Variants in RBM19 observed in about 807,000 individuals in gnomAD.
The protein encoded by RBM19 is probable RNA-binding protein 19.
RBM19 carries 94 observed loss-of-function variants against 116.8 expected under a neutral mutation model. The ratio of observed to expected loss-of-function variants is 0.80; its 90% confidence interval spans 0.68 to 0.95. RBM19 has a LOEUF of 0.95. Ranked by LOEUF, RBM19 falls within the 40% of genes least tolerant of loss-of-function variation. The pLI, the probability that RBM19 is intolerant of heterozygous loss-of-function variation, is 0.00. For synonymous variants in RBM19, 475 were observed against 494.1 expected, an observed-to-expected ratio of 0.96 and a Z score of 0.51; for missense variants, 1,161 against 1,220.7, an observed-to-expected ratio of 0.95 and a Z score of 0.73.
intron 16 of RBM19, among the ~76,000 whole-genome samples, chr12:113,930,859 G>A (rs988080908): frequency 4.6e-5 from 7 of 152,164 alleles, no homozygotes; most frequent in Non-Finnish European, 8.8e-5. Flanking sequence ...TGGAAAAGAC[G>A]AGGAGGGCAG....
chr12:113,820,331 GC>G (rs1250026768), downstream of RBM19, among the ~76,000 whole-genome samples: 1 of 151,844 alleles, frequency 6.6e-6, no homozygotes, highest in East Asian at 1.9e-4. Flanking sequence ...GGTTGGACAA[GC>G]GTGATTTAAG....
At chr12:113,842,869 C>A (rs1876621728) in intron 23 of RBM19, among the ~76,000 whole-genome samples, 1 of 151,798 alleles carries the variant, frequency 6.6e-6, no homozygotes, top group African/African-American at 2.4e-5. Flanking sequence ...TGTGCAAAGG[C>A]ACAGAATCCT....
At chr12:113,870,976 G>C (rs1459521339) in intron 21 of RBM19, among the ~76,000 whole-genome samples, 1 of 152,218 alleles carries the variant, frequency 6.6e-6, no homozygotes, top group Non-Finnish European at 1.5e-5. Flanking sequence ...GGCAGCAGGA[G>C]GCCCCTGCAT....
At chr12:113,890,735 G>A (rs1347227687) in intron 21 of RBM19, among the ~76,000 whole-genome samples, 2 of 152,242 alleles carry the variant, frequency 1.3e-5, no homozygotes, top group Non-Finnish European at 2.9e-5. Context: ...ACAGTTCCGA[G>A]ATCCTTCTCC....
chr12:113,914,020 T>C (rs187398661), intron 21 of RBM19, among the ~76,000 whole-genome samples: 1 of 152,350 alleles, frequency 6.6e-6, no homozygotes, highest in East Asian at 1.9e-4. Context: ...GTTTCTTTCA[T>C]TCATGGCTTG....
intron 1 of RBM19, 78 bp downstream of exon 1, chr12:113,966,114 C>T: frequency 1.3e-6 from 2 of 1,586,504 alleles, no homozygotes; most frequent in South Asian, 2.2e-5. Flanking sequence ...TCTTCGATCA[C>T]CTCCAGGCAT....
intron 22 of RBM19, among the ~76,000 whole-genome samples, chr12:113,849,750 G>A (rs1877303525): frequency 6.6e-6 from 1 of 152,184 alleles, no homozygotes; most frequent in African/African-American, 2.4e-5. Context: ...GAACGTCACA[G>A]AAGAGAAGCC....
chr12:113,964,684 A>G (rs1425251000), intron 1 of RBM19, among the ~76,000 whole-genome samples: 1 of 152,170 alleles, frequency 6.6e-6, no homozygotes, highest in African/African-American at 2.4e-5. Flanking sequence ...GATGATCTAA[A>G]TTCCTTATTT....
At position 113,960,152 on chromosome 12, in the gene RBM19, G is replaced by A. The variant is rs754794451; in HGVS notation, c.246C>T (p.Asp82=). Residue 82 remains aspartate (D), a synonymous_variant, in exon 3 of 24, where the codon GAC becomes GAT. Coordinates refer to ENST00000261741, the MANE Select transcript of RBM19 (RefSeq NM_016196.4). ...TGCTCCAGGCTCTGGGTTTGGCCGGGTCCCCGAATGACTTGCAGAACTCCA... is the reference window on the plus strand; with the variant it reads ...TGCTCCAGGCTCTGGGTTTGGCCGGATCCCCGAATGACTTGCAGAACTCCA... The part of the protein sequence containing the change: ...ITVEFCKSFG[D]PAKPRAWSKH... 5 of 1,613,954 alleles carry A rather than the reference G, an allele frequency of 3.1e-6. No homozygotes were observed. Among genetic ancestry groups the A allele is most frequent in the Non-Finnish European group, 4.2e-6 (5 of 1,180,034 alleles).
rs1414051614 is a variant in RBM19, at chr12:113,946,236, C to T, written c.1529+118G>A. 2.0e-5 allele frequency: 27 copies of T among 1,372,580 alleles called. No homozygotes were observed. In the Middle Eastern group the frequency reaches 7.0e-4, roughly 36 times the overall value. 85.0% of individuals were successfully genotyped at this position (1,372,580 alleles called of 1,614,324 possible). On this transcript the variant is annotated intron_variant, in intron 12 of 23. Coordinates refer to ENST00000261741, the MANE Select transcript of RBM19 (RefSeq NM_016196.4). Reference sequence around the variant, plus strand: ...TTTTACAGATGAGAAAACTGAAGCTCGGTAAGGTATGAACTAAACCCATCA... The same window carrying T: ...TTTTACAGATGAGAAAACTGAAGCTTGGTAAGGTATGAACTAAACCCATCA...
intron 22 of RBM19, among the ~76,000 whole-genome samples, chr12:113,845,524 C>T (rs1361050780): frequency 2.0e-5 from 3 of 152,160 alleles, no homozygotes; most frequent in African/African-American, 4.8e-5. Context: ...TTAGTATAAT[C>T]GCAGAGCTGT....
At chr12:113,940,940 T>C (rs1199116931) in intron 14 of RBM19, among the ~76,000 whole-genome samples, 1 of 152,172 alleles carries the variant, frequency 6.6e-6, no homozygotes, top group Admixed American at 6.5e-5. Context: ...ATTAAATGGG[T>C]TAGTAAAAGT....
At position 113,917,816 on chromosome 12, in the gene RBM19, A is replaced by C. The variant is rs146482205; in HGVS notation, c.2441+576T>G. On this transcript the variant is annotated intron_variant, in intron 20 of 23. Coordinates refer to ENST00000261741, the MANE Select transcript of RBM19 (RefSeq NM_016196.4). Reference sequence around the variant, plus strand: ...ACGTCGGGTGTAATAGTTCATTTAGATATACAAGCAGGTAGAAATGGAGGT... The same window carrying C: ...ACGTCGGGTGTAATAGTTCATTTAGCTATACAAGCAGGTAGAAATGGAGGT... 2.0e-5 allele frequency among the ~76,000 whole-genome samples: 3 copies of C among 151,562 alleles called. No individual in the cohort carries two copies. The East Asian group carries it at 5.8e-4, about 29-fold the overall frequency.
intron 21 of RBM19, 105 bp downstream of exon 21, chr12:113,914,864 C>A: frequency 2.1e-6 from 2 of 949,010 alleles, no homozygotes; most frequent in Non-Finnish European, 3.4e-6. Context: ...ACCACTGTGC[C>A]GGCCTGCAAC....
chr12:113,944,243 A>G (rs1317626131), intron 13 of RBM19, among the ~76,000 whole-genome samples: 1 of 151,668 alleles, frequency 6.6e-6, no homozygotes, highest in Non-Finnish European at 1.5e-5. Context: ...GATTACAGGC[A>G]TGCACCACCA....
chr12:113,918,250 T>A, intron 20 of RBM19, 142 bp downstream of exon 20: 1 of 798,450 alleles, frequency 1.3e-6, no homozygotes, highest in Non-Finnish European at 2.1e-6. Context: ...TAATTAGGCA[T>A]CTTAATTAGG....
intron 23 of RBM19, among the ~76,000 whole-genome samples, chr12:113,841,613 C>T (rs544811547): frequency 5.3e-5 from 8 of 151,984 alleles, no homozygotes; most frequent in Admixed American, 1.3e-4. Flanking sequence ...TTAGTAGAGA[C>T]GGGGTTTCAC....
At chr12:113,830,481 C>A (rs1448210364) in intron 23 of RBM19, among the ~76,000 whole-genome samples, 1 of 148,822 alleles carries the variant, frequency 6.7e-6, no homozygotes, top group Non-Finnish European at 1.5e-5. Context: ...GTGCAGAATT[C>A]TATGACTGGC....
chr12:113,820,245 T>TAAAAA (rs10667485), downstream of RBM19, among the ~76,000 whole-genome samples: 1 of 140,048 alleles, frequency 7.1e-6, no homozygotes, highest in Non-Finnish European at 1.5e-5. Context: ...ACTGATGAAC[T>TAAAAA]AAAAAAAAAA....
Sources: allele counts gnomAD v4.1 joint callset (sites outside exome capture counted in the v4.1 genomes callset), GRCh38; gene constraint gnomAD v4.1.1; transcripts MANE v1.5; gene names NCBI Gene and HGNC (gene_info 2026-07-23, HGNC 2026-07-21).